Variants in MOB1B observed in about 807,000 individuals in gnomAD.
MOB1B encodes MOB kinase activator 1B, also known as MOB1 Mps One Binder homolog B.
Under a neutral mutation model 24.4 loss-of-function variants are expected in MOB1B, and 19 were observed. The ratio of observed to expected loss-of-function variants is 0.78; its 90% CI spans 0.54 to 1.14. The LOEUF (loss-of-function observed/expected upper bound fraction) is 1.14. Ranked by LOEUF, MOB1B falls within the 50% of genes most tolerant of loss-of-function variation. The pLI is 0.00. For synonymous variants in MOB1B, 76 were observed against 82.1 expected (o/e 0.93, Z 0.40); for missense variants, 243 against 259.6 (o/e 0.94, Z 0.44).
intron 1 of MOB1B, among the ~76,000 whole-genome samples, chr4:70,916,605 T>G (rs1221969312): frequency 1.3e-5 from 2 of 152,158 alleles, no homozygotes; most frequent in Admixed American, 1.3e-4. Context: ...TCTTGCTATC[T>G]TGCCCAGGCT....
At chr4:70,959,073 GA>G in intron 2 of MOB1B, 33 bp downstream of exon 2, 1 of 1,591,562 alleles carries the variant, frequency 6.3e-7, no homozygotes, top group South Asian at 1.1e-5. Context: ...AGTAGCCTGT[GA>G]ATTAGGGTAA....
rs749460040 is a variant in MOB1B at position 70,987,399 on chromosome 4, ATACT to A, written c.*5345_*5348del. 17 of 152,138 alleles carry A rather than the reference ATACT, an allele frequency of 1.1e-4. No individual in the cohort carries two copies. The highest frequency in any genetic ancestry group is 3.9e-4 in the East Asian group (2 of 5,188). 9.4% of individuals were successfully genotyped at this position (152,138 alleles called of 1,614,324 possible). On this transcript the variant is annotated 3_prime_UTR_variant, in exon 6 of 6. Transcript: ENST00000309395. ...TTGCACAAGTTTTTGTTTTTCTGAA[ATACT>A]TAATTGTGCAGGTTGTAAAAAAGAT...
At chr4:70,968,590 C>T (rs1419451667) in intron 2 of MOB1B, among the ~76,000 whole-genome samples, 1 of 152,062 alleles carries the variant, frequency 6.6e-6, no homozygotes, top group South Asian at 2.1e-4. Context: ...AGATTACAGG[C>T]GTGAGCCACC....
At chr4:70,907,732 G>A (rs1410292652) in intron 1 of MOB1B, among the ~76,000 whole-genome samples, 2 of 152,112 alleles carry the variant, frequency 1.3e-5, no homozygotes, top group Non-Finnish European at 2.9e-5. Context: ...TGGATTGCTT[G>A]AACCCAGGAG....
chr4:70,903,207 A>G (rs1735590454), intron 1 of MOB1B, among the ~76,000 whole-genome samples: 1 of 152,166 alleles, frequency 6.6e-6, no homozygotes, highest in African/African-American at 2.4e-5. Flanking sequence ...ACTTCCCTGA[A>G]GAGGATGAGT....
At chr4:70,952,208 A>G (rs1043889984) in intron 1 of MOB1B, among the ~76,000 whole-genome samples, 5 of 151,960 alleles carry the variant, frequency 3.3e-5, no homozygotes, top group Middle Eastern at 3.2e-3. Context: ...TGATCAAACT[A>G]TATTATAATA....
intron 1 of MOB1B, among the ~76,000 whole-genome samples, chr4:70,919,120 G>A (rs2148872029): frequency 6.6e-6 from 1 of 151,572 alleles, no homozygotes; most frequent in African/African-American, 2.4e-5. Context: ...AGAACACATG[G>A]ACACAGGAAG....
At chr4:70,965,186 G>A (rs1403746194) in intron 2 of MOB1B, among the ~76,000 whole-genome samples, 1 of 149,744 alleles carries the variant, frequency 6.7e-6, no homozygotes, top group Non-Finnish European at 1.5e-5. Context: ...AATCCTACCT[G>A]CTTGGGAGGC....
At chr4:70,960,655 C>T (rs1310258041) in intron 2 of MOB1B, among the ~76,000 whole-genome samples, 1 of 152,078 alleles carries the variant, frequency 6.6e-6, no homozygotes, top group Non-Finnish European at 1.5e-5. Flanking sequence ...TGTGATTATC[C>T]TCCTGGACCA....
At chr4:70,924,146 A>G (rs913163915) in intron 1 of MOB1B, among the ~76,000 whole-genome samples, 2 of 152,126 alleles carry the variant, frequency 1.3e-5, no homozygotes, top group Non-Finnish European at 2.9e-5. Flanking sequence ...TAGAGAATCC[A>G]TTTGTTTGCT....
At chr4:70,905,415 A>AT (rs879496900) in intron 1 of MOB1B, among the ~76,000 whole-genome samples, 50 of 144,846 alleles carry the variant, frequency 3.5e-4, no homozygotes, top group Admixed American at 3.5e-4. Context: ...TGCCTAGCTA[A>AT]TTTTTTTTTT....
intron 1 of MOB1B, among the ~76,000 whole-genome samples, chr4:70,907,649 C>T (rs978839073): frequency 4.6e-5 from 7 of 152,036 alleles, no homozygotes; most frequent in Non-Finnish European, 1.0e-4. Context: ...GGTAACATGG[C>T]AGAACCCCCA....
At chr4:70,909,543 A>G (rs557587748) in intron 1 of MOB1B, among the ~76,000 whole-genome samples, 4 of 152,120 alleles carry the variant, frequency 2.6e-5, no homozygotes, top group Non-Finnish European at 5.9e-5. Context: ...TAATAGTTCA[A>G]TGAGTGTTTA....
intron 1 of MOB1B, among the ~76,000 whole-genome samples, chr4:70,949,909 C>CA (rs1184842176): frequency 3.4e-5 from 5 of 148,648 alleles, no homozygotes; most frequent in Non-Finnish European, 7.4e-5. Context: ...ACCCTGTCTT[C>CA]AAAAAAATAC....
intron 1 of MOB1B, among the ~76,000 whole-genome samples, chr4:70,904,969 G>A (rs1211316376): frequency 1.3e-5 from 2 of 152,176 alleles, no homozygotes; most frequent in African/African-American, 2.4e-5. Context: ...TGTAACTAAT[G>A]TATATAGAAC....
intron 1 of MOB1B, among the ~76,000 whole-genome samples, chr4:70,924,843 G>A (rs1033321330): frequency 2.0e-5 from 3 of 152,162 alleles, no homozygotes; most frequent in African/African-American, 7.2e-5. Context: ...TGGCTGCATA[G>A]TATTCCATGG....
chr4:70,934,305 C>T lies in MOB1B; in HGVS notation c.15-24569C>T, dbSNP rs1230808696. On this transcript the variant is annotated intron_variant, in intron 1 of 5. Transcript: ENST00000309395. ...TTCACCATGTTGGCCAGGTTGGTCTCGAACTCCTGGCCTCAAGTGATTCAC... is the reference window on the plus strand; with the variant it reads ...TTCACCATGTTGGCCAGGTTGGTCTTGAACTCCTGGCCTCAAGTGATTCAC... Among the ~76,000 whole-genome samples the T allele has an allele frequency of 3.3e-5, 5 of 151,694 alleles. No homozygotes were observed. In the South Asian group the frequency reaches 6.3e-4, roughly 19 times the overall value.
At chr4:70,969,894 C>T in intron 2 of MOB1B, 37 bp from the exon 3 acceptor site, 1 of 1,132,706 alleles carries the variant, frequency 8.8e-7, no homozygotes, top group Non-Finnish European at 1.3e-6. Flanking sequence ...TAAATTTAGC[C>T]ATTCTGTTTT....
chr4:70,906,689 A>G (rs1470276387), intron 1 of MOB1B, among the ~76,000 whole-genome samples: 1 of 152,204 alleles, frequency 6.6e-6, no homozygotes, highest in Non-Finnish European at 1.5e-5. Flanking sequence ...TTTGCACTGC[A>G]TATGTGGGTT....
Sources: gnomAD v4.1 joint callset for allele counts (sites outside exome capture counted in the v4.1 genomes callset) on GRCh38, gnomAD v4.1.1 for gene constraint, MANE v1.5 for transcripts, NCBI Gene and HGNC (gene_info 2026-07-23, HGNC 2026-07-21) for gene names.